Variants in PDE4D observed in about 807,000 individuals in gnomAD.
PDE4D encodes phosphodiesterase 4D.
Under a neutral mutation model 87.4 loss-of-function variants are expected in PDE4D, and 24 were observed. The observed-to-expected ratio is 0.27, with a 90% CI of 0.20 to 0.39. PDE4D has a LOEUF of 0.39. Among genes scored for constraint, PDE4D ranks in the 10% least tolerant of loss-of-function variants. PDE4D has a pLI of 1.00. For synonymous variants in PDE4D, 384 were observed against 383.2 expected (o/e 1.00, Z -0.02); for missense variants, 714 against 1,041.0 (o/e 0.69, Z 4.32).
chr5:59,423,246 A>G (rs185492782), intron 1 of PDE4D, among the ~76,000 whole-genome samples: 5 of 152,338 alleles, frequency 3.3e-5, no homozygotes, highest in African/African-American at 1.2e-4. Context: ...CCAGGGAAGC[A>G]TTCTCCAAAC....
chr5:60,352,918 T>C (rs1759321345), intron 1 of PDE4D, among the ~76,000 whole-genome samples: 1 of 152,238 alleles, frequency 6.6e-6, no homozygotes, highest in Non-Finnish European at 1.5e-5. Flanking sequence ...GCTCAATGAC[T>C]TGACATTGAA....
intron 1 of PDE4D, among the ~76,000 whole-genome samples, chr5:59,872,862 TAGAATATGGGTACGC>T (rs1748026885): frequency 1.6e-4 from 25 of 152,178 alleles, no homozygotes; most frequent in Admixed American, 1.2e-3. Flanking sequence ...AGAAATGCCA[TAGAATATGGGTACGC>T]TCAATGAAAA....
intron 1 of PDE4D, chr5:60,460,774 C>A (rs772828358): frequency 5.0e-6 from 3 of 597,600 alleles, no homozygotes; most frequent in South Asian, 1.9e-5. Flanking sequence ...GACCACAAGT[C>A]TCCTTGCTCA....
At chr5:59,610,670 A>G (rs897286553) in intron 1 of PDE4D, among the ~76,000 whole-genome samples, 1 of 152,188 alleles carries the variant, frequency 6.6e-6, no homozygotes, top group Non-Finnish European at 1.5e-5. Flanking sequence ...TAACATTTTG[A>G]GTATATGCAC....
chr5:59,746,827 C>T (rs933956160), intron 1 of PDE4D, among the ~76,000 whole-genome samples: 2 of 151,820 alleles, frequency 1.3e-5, no homozygotes, highest in Non-Finnish European at 2.9e-5. Context: ...ATGTTTGTAC[C>T]TCTGCCCCTA....
intron 1 of PDE4D, among the ~76,000 whole-genome samples, chr5:59,450,090 CTTATT>C (rs1327590247): frequency 1.3e-5 from 2 of 152,120 alleles, no homozygotes; most frequent in Admixed American, 6.5e-5. Context: ...CCATTTCTGC[CTTATT>C]TTAAGATAAA....
chr5:59,451,163 C>G (rs535010310), intron 1 of PDE4D, among the ~76,000 whole-genome samples: 37 of 152,324 alleles, frequency 2.4e-4, no homozygotes, highest in Admixed American at 1.6e-3. Context: ...ATTTCTGAAG[C>G]TATTGGCCAC....
At chr5:59,419,219 G>A (rs1794104195) in intron 1 of PDE4D, among the ~76,000 whole-genome samples, 1 of 152,086 alleles carries the variant, frequency 6.6e-6, no homozygotes, top group South Asian at 2.1e-4. Flanking sequence ...TTGGTCTAAT[G>A]TACTCCTAGA....
intron 1 of PDE4D, among the ~76,000 whole-genome samples, chr5:60,368,901 G>A (rs1476712485): frequency 6.6e-6 from 1 of 152,116 alleles, no homozygotes; most frequent in Admixed American, 6.6e-5. Context: ...GCAGAACCAT[G>A]AGCCAATTAA....
chr5:59,721,384 C>T (rs547958147), intron 1 of PDE4D, among the ~76,000 whole-genome samples: 6 of 152,246 alleles, frequency 3.9e-5, no homozygotes, highest in Non-Finnish European at 8.8e-5. Flanking sequence ...ATTCTCAGTA[C>T]GTAGCCCTAG....
chr5:60,061,733 C>T lies in PDE4D; in HGVS notation c.43-73016G>A, dbSNP rs532060694. ...CATGGTACAGGTATCAAAACAGACA[C>T]ATATACCAATGGAACAGAATAGAGA... On this transcript the variant is annotated intron_variant, in intron 2 of 16. Transcript: ENST00000502484. 3.8e-3 allele frequency among the ~76,000 whole-genome samples: 571 copies of T among 152,130 alleles called. 2 individuals are homozygous for T. Among genetic ancestry groups the T allele is most frequent in the Middle Eastern group, 6.8e-3 (2 of 294 alleles).
intron 1 of PDE4D, among the ~76,000 whole-genome samples, chr5:59,261,900 G>T (rs915180788): frequency 1.3e-5 from 2 of 151,754 alleles, no homozygotes; most frequent in African/African-American, 4.8e-5. Flanking sequence ...AGTAAGAAAA[G>T]AAAATATCTC....
chr5:59,072,678 A>T (rs1341797826), intron 5 of PDE4D, among the ~76,000 whole-genome samples: 2 of 152,190 alleles, frequency 1.3e-5, no homozygotes, highest in African/African-American at 4.8e-5. Context: ...TTAAATGGAT[A>T]TGTTAATTAC....
In PDE4D at chr5:60,010,197, C is replaced by T. The variant is rs11950782; in HGVS notation, c.43-21480G>A. 8.8e-3 allele frequency among the ~76,000 whole-genome samples: 1,340 copies of T among 152,156 alleles called. 9 individuals carry two copies. The highest frequency in any genetic ancestry group is 0.012 in the Non-Finnish European group (824 of 67,966). On this transcript the variant is annotated intron_variant, in intron 2 of 16. Transcript: ENST00000502484. ...TCTCTAATATACTGTTACGTATTTCCTCAAAGCCACTGGCAAGTTATTTAA... is the reference window on the plus strand; with the variant it reads ...TCTCTAATATACTGTTACGTATTTCTTCAAAGCCACTGGCAAGTTATTTAA...
intron 1 of PDE4D, among the ~76,000 whole-genome samples, chr5:60,516,189 G>T (rs1750795536): frequency 6.6e-6 from 1 of 152,222 alleles, no homozygotes; most frequent in African/African-American, 2.4e-5. Context: ...ATAAGAAACT[G>T]TAGGTTATGA....
At chr5:60,320,137 G>C (rs1189840742) in intron 1 of PDE4D, among the ~76,000 whole-genome samples, 1 of 152,190 alleles carries the variant, frequency 6.6e-6, no homozygotes, top group Non-Finnish European at 1.5e-5. Flanking sequence ...CACCCAGTTC[G>C]AGCTTCCCAG....
intron 1 of PDE4D, among the ~76,000 whole-genome samples, chr5:60,307,335 C>T (rs1754592541): frequency 6.6e-6 from 1 of 151,974 alleles, no homozygotes; most frequent in Non-Finnish European, 1.5e-5. Flanking sequence ...GACACTAGCT[C>T]TAGACAAGAA....
upstream of PDE4D, among the ~76,000 whole-genome samples, chr5:59,894,349 G>A (rs746648929): frequency 2.6e-5 from 4 of 152,238 alleles, no homozygotes; most frequent in African/African-American, 7.2e-5. Context: ...TAAGGAATGT[G>A]ACCAGGCAAA....
chr5:59,380,405 A>G (rs244589), intron 1 of PDE4D, among the ~76,000 whole-genome samples: 55,207 of 137,834 alleles, frequency 0.4, 11,569 homozygotes, highest in East Asian at 0.59. Flanking sequence ...AAAAAAAAAA[A>G]AGAGAGAGAA....
Sources: allele counts gnomAD v4.1 joint callset (sites outside exome capture counted in the v4.1 genomes callset), GRCh38; gene constraint gnomAD v4.1.1; transcripts MANE v1.5; gene names NCBI Gene and HGNC (gene_info 2026-07-23, HGNC 2026-07-21).